FRAS1: variants seen among roughly 807,000 people sequenced by gnomAD.
FRAS1 encodes extracellular matrix organizing protein FRAS1.
Under a neutral mutation model 435.2 loss-of-function variants are expected in FRAS1, and 290 were observed. The ratio of observed to expected loss-of-function variants is 0.67; its 90% CI spans 0.61 to 0.73. The LOEUF is 0.73. Among genes scored for constraint, FRAS1 ranks in the 30% least tolerant of loss-of-function variants. FRAS1 has a pLI of 0.00. For synonymous variants in FRAS1, 1,800 were observed against 1,851.0 expected (o/e 0.97, Z 0.71); for missense variants, 4,860 against 5,001.5 (o/e 0.97, Z 0.85).
intron 18 of FRAS1, among the ~76,000 whole-genome samples, chr4:78,330,230 AC>A (rs1271485060): frequency 6.6e-6 from 1 of 152,210 alleles, no homozygotes; most frequent in Admixed American, 6.5e-5. Context: ...TTTCATGGAC[AC>A]TCATCACTTC....
intron 2 of FRAS1, among the ~76,000 whole-genome samples, chr4:78,095,152 T>C (rs1490772047): frequency 3.9e-5 from 6 of 152,210 alleles, no homozygotes; most frequent in Non-Finnish European, 5.9e-5. Flanking sequence ...AATCTCTATT[T>C]TGTATTTAAA....
chr4:78,129,557 GC>G (rs1182140508), intron 2 of FRAS1, among the ~76,000 whole-genome samples: 2 of 136,218 alleles, frequency 1.5e-5, no homozygotes, highest in Non-Finnish European at 2.9e-5. Flanking sequence ...AGTGGCCATG[GC>G]CCCCTGATTT....
chr4:78,430,506 A>G, intron 37 of FRAS1, 89 bp downstream of exon 37: 1 of 1,372,954 alleles, frequency 7.3e-7, no homozygotes, highest in Non-Finnish European at 9.9e-7. Flanking sequence ...GACGAGAGCA[A>G]AGCGTCTTTG....
chr4:78,346,901 T>A (rs1349747900), intron 20 of FRAS1, among the ~76,000 whole-genome samples: 1 of 152,138 alleles, frequency 6.6e-6, no homozygotes, highest in Non-Finnish European at 1.5e-5. Context: ...CCTCCTTTTC[T>A]CTTCATTTTT....
intron 2 of FRAS1, among the ~76,000 whole-genome samples, chr4:78,099,500 A>G (rs1741997139): frequency 6.6e-6 from 1 of 152,230 alleles, no homozygotes; most frequent in South Asian, 2.1e-4. Context: ...ATAGGAGGTA[A>G]ATTAAAGATG....
rs111275803 is a variant in FRAS1, at chr4:78,231,455, T to C, written c.109-6055T>C. 2.1e-3 allele frequency among the ~76,000 whole-genome samples: 325 copies of C among 152,196 alleles called. 2 individuals carry two copies. Among genetic ancestry groups the C allele is most frequent in the African/African-American group, 7.1e-3 (297 of 41,582 alleles). The stretch of plus-strand genomic sequence containing the variant: ...CAGTTTGTTTCTATGCACATAGATA[T>C]ATTTTTATTACAAAAATATTATATC... On this transcript the variant is annotated intron_variant, in intron 2 of 73. Coordinates refer to ENST00000512123, the MANE Select transcript of FRAS1 (RefSeq NM_025074.7).
In FRAS1 at chr4:78,504,081, C is replaced by G. The variant is rs572992174; in HGVS notation, c.9317-3340C>G. Among the ~76,000 whole-genome samples, 25 of 152,282 alleles carry G rather than the reference C, an allele frequency of 1.6e-4. No individual in the cohort carries two copies. In the East Asian group the frequency reaches 2.5e-3, roughly 15 times the overall value. On this transcript the variant is annotated intron_variant, in intron 61 of 73. Transcript: ENST00000512123. ...TTTGATTACACTGTGGTCTGAGAGA[C>G]AGTTTGTTGTGATTTCTGTTCTTTT...
chr4:78,340,217 G>T (rs1578262197), intron 20 of FRAS1, among the ~76,000 whole-genome samples: 1 of 152,120 alleles, frequency 6.6e-6, no homozygotes, highest in Non-Finnish European at 1.5e-5. Flanking sequence ...AGAAGAGAAG[G>T]TCCTACCAAA....
intron 6 of FRAS1, among the ~76,000 whole-genome samples, chr4:78,260,611 A>C (rs13112977): frequency 6.6e-6 from 1 of 151,764 alleles, no homozygotes; most frequent in African/African-American, 2.4e-5. Context: ...GGGCTGAGAC[A>C]ATGGGGTTTT....
At chr4:78,170,666 C>T (rs957122181) in intron 2 of FRAS1, among the ~76,000 whole-genome samples, 37 of 151,978 alleles carry the variant, frequency 2.4e-4, no homozygotes, top group East Asian at 1.9e-4. Context: ...AGGAAATGCC[C>T]GAATGCATTC....
At chr4:78,277,498 G>A (rs780549508) in intron 9 of FRAS1, among the ~76,000 whole-genome samples, 2 of 152,030 alleles carry the variant, frequency 1.3e-5, no homozygotes, top group African/African-American at 2.4e-5. Context: ...TCTTTTGAAA[G>A]TGAAAAGTAC....
At chr4:78,422,412 G>A (rs1255449572) in intron 34 of FRAS1, among the ~76,000 whole-genome samples, 1 of 152,092 alleles carries the variant, frequency 6.6e-6, no homozygotes, top group East Asian at 1.9e-4. Flanking sequence ...AGAAAGATTA[G>A]CGGTGGAATT....
At chr4:78,289,290 ATGCATATAAACACATG>A (rs1727770108) in intron 14 of FRAS1, among the ~76,000 whole-genome samples, 1 of 150,064 alleles carries the variant, frequency 6.7e-6, no homozygotes, top group Non-Finnish European at 1.5e-5. Context: ...AAACACAAAC[ATGCATATAAACACATG>A]TGCATATGTT....
At chr4:78,498,606 A>C (rs1473757848) in intron 60 of FRAS1, among the ~76,000 whole-genome samples, 1 of 152,144 alleles carries the variant, frequency 6.6e-6, no homozygotes, top group East Asian at 1.9e-4. Flanking sequence ...AATGAGGCTT[A>C]TCTTCTACAG....
In FRAS1 at chr4:78,122,586, C is replaced by T. The variant is rs933232049; in HGVS notation, c.108+56570C>T. ...CACAATGGTTGAACTAATTTACACT[C>T]CCACCAAGAGTGTAAAAGCATTTCT... is the stretch of plus-strand genomic sequence containing the variant. On this transcript the variant is annotated intron_variant, in intron 2 of 73. Transcript: ENST00000512123. Among the ~76,000 whole-genome samples the T allele has an allele frequency of 5.3e-5, 8 of 152,250 alleles. No homozygotes were observed. The South Asian group carries it at 1.7e-3, about 32-fold the overall frequency.
intron 2 of FRAS1, among the ~76,000 whole-genome samples, chr4:78,206,960 G>A (rs994965281): frequency 3.9e-5 from 6 of 152,200 alleles, no homozygotes; most frequent in African/African-American, 1.4e-4. Flanking sequence ...ATTCTGGCTG[G>A]GGGCAATAGG....
intron 2 of FRAS1, among the ~76,000 whole-genome samples, chr4:78,103,273 C>T (rs1228375709): frequency 6.6e-6 from 1 of 152,210 alleles, no homozygotes; most frequent in African/African-American, 2.4e-5. Context: ...GTTTGACCTT[C>T]TTAGTATTTC....
chr4:78,449,295 C>T (rs1440522647), intron 44 of FRAS1, among the ~76,000 whole-genome samples: 1 of 152,128 alleles, frequency 6.6e-6, no homozygotes, highest in Non-Finnish European at 1.5e-5. Context: ...GAGGGGAATA[C>T]TGAGCTTGGG....
intron 31 of FRAS1, among the ~76,000 whole-genome samples, chr4:78,411,165 C>T (rs1286448860): frequency 7.0e-6 from 1 of 142,626 alleles, no homozygotes; most frequent in Non-Finnish European, 1.5e-5. Flanking sequence ...GGCTGGAGTA[C>T]AGTGGTGCGA....
Sources: gnomAD v4.1 joint callset for allele counts (sites outside exome capture counted in the v4.1 genomes callset) on GRCh38, gnomAD v4.1.1 for gene constraint, MANE v1.5 for transcripts, NCBI Gene and HGNC (gene_info 2026-07-23, HGNC 2026-07-21) for gene names.